The following AK8 variants were observed in gnomAD, a reference collection of about 807,000 sequenced individuals.
The protein encoded by AK8 is ATP-AMP transphosphorylase 8.
In AK8, 44 loss-of-function variants were observed where a neutral mutation model predicts 54.6. The observed-to-expected ratio is 0.81, with a 90% CI of 0.63 to 1.04. AK8 has a LOEUF of 1.04. Ranked by LOEUF, AK8 falls within the 50% of genes least tolerant of loss-of-function variation. AK8 has a pLI of 0.00. For missense variants in AK8, 555 were observed against 613.6 expected, an observed-to-expected ratio of 0.90 and a Z score of 1.01; for synonymous variants, 239 against 245.6, an observed-to-expected ratio of 0.97 and a Z score of 0.25.
Position 132,827,025 on chromosome 9 carries a change from G to C in AK8, c.586C>G (p.Pro196Ala), listed in dbSNP as rs1381897854. ...EIYHTTFDWP[P>A]ESEIQNRLMV... ...AGACGGTTCTGGATTTCAGATTCGG[G>C]TGGCCAGTCAAAGGTGGTGTGATAA... is the stretch of plus-strand genomic sequence containing the variant. Residue 196 changes from proline (P) to alanine (A), a missense_variant, in exon 8 of 13, where the codon CCC (proline) becomes GCC (alanine). Coordinates refer to ENST00000298545, the MANE Select transcript of AK8 (RefSeq NM_152572.3). 1 of 1,614,244 alleles carries C rather than the reference G, an allele frequency of 6.2e-7. No homozygotes were observed. Among genetic ancestry groups the C allele is most frequent in the East Asian group, 2.2e-5 (1 of 44,888 alleles).
chr9:132,795,702 C>T (rs1018307404), intron 10 of AK8, among the ~76,000 whole-genome samples: 2 of 152,106 alleles, frequency 1.3e-5, no homozygotes, highest in Admixed American at 1.3e-4. Flanking sequence ...GCCAAGGCCC[C>T]CGGGCTCCTG....
intron 11 of AK8, among the ~76,000 whole-genome samples, chr9:132,734,063 T>A (rs1238802020): frequency 6.6e-6 from 1 of 151,986 alleles, no homozygotes; most frequent in East Asian, 1.9e-4. Context: ...CCCACTGGAG[T>A]CCATGTTTTA....
chr9:132,806,159 C>G (rs894636279), intron 10 of AK8, among the ~76,000 whole-genome samples: 3 of 151,144 alleles, frequency 2.0e-5, no homozygotes, highest in Non-Finnish European at 2.9e-5. Flanking sequence ...AGAGTTTTTT[C>G]AATAATAAAA....
rs1588227137 is a variant in AK8 at position 132,860,941 on chromosome 9, G to A, written c.333+2724C>T. Among the ~76,000 whole-genome samples, 1 of 152,330 alleles carries A rather than the reference G, an allele frequency of 6.6e-6. No homozygotes were observed. Among genetic ancestry groups the A allele is most frequent in the East Asian group, 1.9e-4 (1 of 5,184 alleles). On this transcript the variant is annotated intron_variant, in intron 4 of 12. Transcript: ENST00000298545. This position sits in a 1 kb window ranked among gnomAD's most constrained non-coding sequence, Gnocchi z 4.4. Reference sequence around the variant, plus strand: ...AAAACACCCATGGGGAAGGTCAAATGCTGTCTGGGTTTGCTTTAAAATAAC... The same window carrying A: ...AAAACACCCATGGGGAAGGTCAAATACTGTCTGGGTTTGCTTTAAAATAAC...
intron 11 of AK8, among the ~76,000 whole-genome samples, chr9:132,783,949 G>A (rs187881871): frequency 6.6e-6 from 1 of 152,194 alleles, no homozygotes; most frequent in African/African-American, 2.4e-5. Flanking sequence ...ATTATGAAAA[G>A]CTGATGATAA....
intron 4 of AK8, among the ~76,000 whole-genome samples, chr9:132,862,366 C>T (rs111251398): frequency 0.018 from 2,780 of 151,448 alleles, 96 homozygotes; most frequent in African/African-American, 0.064. Context: ...CTTATTCTGT[C>T]GCTCAAGCTG....
chr9:132,728,215 G>A (rs1836664011), intron 11 of AK8, among the ~76,000 whole-genome samples: 1 of 152,230 alleles, frequency 6.6e-6, no homozygotes, highest in Non-Finnish European at 1.5e-5. Flanking sequence ...CACACTTGGA[G>A]GTCACCAGGG....
intron 11 of AK8, among the ~76,000 whole-genome samples, chr9:132,766,695 T>C (rs1437423795): frequency 6.6e-6 from 1 of 152,064 alleles, no homozygotes; most frequent in Admixed American, 6.5e-5. Context: ...CCAAAACAAT[T>C]TTGAGCAAAA....
intron 10 of AK8, among the ~76,000 whole-genome samples, chr9:132,812,866 A>G (rs71147): frequency 0.17 from 13,430 of 78,270 alleles, 2,150 homozygotes; most frequent in East Asian, 0.39. Flanking sequence ...GACCAGACCC[A>G]CTCACTGCCC....
At chr9:132,737,697 A>G (rs1309948654) in intron 11 of AK8, among the ~76,000 whole-genome samples, 1 of 152,224 alleles carries the variant, frequency 6.6e-6, no homozygotes, top group Non-Finnish European at 1.5e-5. Flanking sequence ...ACTCTCAGCA[A>G]ACTAGAAATA....
chr9:132,802,631 G>A (rs215174), intron 10 of AK8, among the ~76,000 whole-genome samples: 1 of 151,942 alleles, frequency 6.6e-6, no homozygotes, highest in Non-Finnish European at 1.5e-5. Context: ...ACCGGGCATG[G>A]CGATGAAGAA....
rs575734090 is a variant in AK8, at chr9:132,742,106, C to T, written c.1122-14572G>A. ...GAACTTCATTCCTCGTGCAGCCAAACAGTGCTCCATTCTTTGGATCTATCA... is the reference window on the plus strand; with the variant it reads ...GAACTTCATTCCTCGTGCAGCCAAATAGTGCTCCATTCTTTGGATCTATCA... On this transcript the variant is annotated intron_variant, in intron 11 of 12. Coordinates refer to ENST00000298545, the MANE Select transcript of AK8 (RefSeq NM_152572.3). Among the ~76,000 whole-genome samples the T allele has an allele frequency of 7.2e-5, 11 of 151,990 alleles. No homozygotes were observed. The South Asian group carries it at 2.1e-3, about 29-fold the overall frequency.
At chr9:132,743,748 A>G (rs534210203) in intron 11 of AK8, among the ~76,000 whole-genome samples, 223 of 152,300 alleles carry the variant, frequency 1.5e-3, no homozygotes, top group Non-Finnish European at 2.5e-3. Context: ...AGCACGTTAC[A>G]TGCACGTGCT....
intron 11 of AK8, among the ~76,000 whole-genome samples, chr9:132,742,819 C>A (rs2130983394): frequency 6.6e-6 from 1 of 152,340 alleles, no homozygotes. Context: ...TCCGTGAGGC[C>A]ACTTCATCCT....
chr9:132,739,968 T>C (rs1837293173), intron 11 of AK8, among the ~76,000 whole-genome samples: 1 of 152,250 alleles, frequency 6.6e-6, no homozygotes, highest in African/African-American at 2.4e-5. Flanking sequence ...AGTGGCATGC[T>C]GGTAAACCAG....
At chr9:132,811,862 TTA>T (rs1448931053) in intron 10 of AK8, among the ~76,000 whole-genome samples, 1 of 152,134 alleles carries the variant, frequency 6.6e-6, no homozygotes, top group African/African-American at 2.4e-5. Context: ...ACCAAAATAT[TTA>T]TTTTTGTAAT....
At chr9:132,782,326 C>A (rs1262781033) in intron 11 of AK8, among the ~76,000 whole-genome samples, 7 of 152,142 alleles carry the variant, frequency 4.6e-5, no homozygotes, top group Non-Finnish European at 7.3e-5. Context: ...CCTGCCCCTG[C>A]CTTCTTTAAA....
At chr9:132,875,086 G>A (rs1459414496) in intron 2 of AK8, 29 bp downstream of exon 2, 4 of 1,613,242 alleles carry the variant, frequency 2.5e-6, no homozygotes, top group East Asian at 4.5e-5. Context: ...GGGAAGACGA[G>A]GAGGGGAAGA....
chr9:132,795,714 A>G (rs764946038), intron 10 of AK8, among the ~76,000 whole-genome samples: 3 of 152,154 alleles, frequency 2.0e-5, no homozygotes, highest in African/African-American at 4.8e-5. Context: ...GGGCTCCTGA[A>G]GTTCACGCTG....
Sources: gnomAD v4.1 joint callset for allele counts (sites outside exome capture counted in the v4.1 genomes callset) on GRCh38, gnomAD v4.1.1 for gene constraint, Gnocchi (gnomAD v3.1) non-coding constraint, MANE v1.5 for transcripts, NCBI Gene and HGNC (gene_info 2026-07-23, HGNC 2026-07-21) for gene names.